AMPH: variants seen among roughly 807,000 people sequenced by gnomAD.
The protein encoded by AMPH is amphiphysin, also known as amphiphysin (Stiff-Mann syndrome with breast cancer 128kD autoantigen).
In AMPH, 49 loss-of-function variants were observed where a neutral mutation model predicts 99.1. That is an observed-to-expected ratio of 0.49 (90% CI 0.39 to 0.63). The LOEUF is 0.63. AMPH is among the 20% of genes least tolerant of loss of function. The probability of loss-of-function intolerance (pLI) is 0.00; values close to 1 mark genes in which losing one functional copy is unlikely to be tolerated. For synonymous variants in AMPH, 314 were observed against 317.3 expected, an observed-to-expected ratio of 0.99 and a Z score of 0.11; for missense variants, 759 against 863.4, an observed-to-expected ratio of 0.88 and a Z score of 1.52.
intron 11 of AMPH, among the ~76,000 whole-genome samples, chr7:38,444,278 T>G (rs1786671744): frequency 6.6e-6 from 1 of 152,182 alleles, no homozygotes; most frequent in African/African-American, 2.4e-5. Context: ...ATATCTGTAC[T>G]GCTTTGAATA....
chr7:38,412,808 C>A (rs936137233), intron 17 of AMPH, among the ~76,000 whole-genome samples: 2 of 152,198 alleles, frequency 1.3e-5, no homozygotes, highest in African/African-American at 4.8e-5. Context: ...TCTCTGAATA[C>A]TCACATCTCC....
At chr7:38,591,555 A>G (rs546207625) in intron 1 of AMPH, among the ~76,000 whole-genome samples, 66 of 152,086 alleles carry the variant, frequency 4.3e-4, no homozygotes, top group Non-Finnish European at 5.9e-4. Context: ...CCAATGTGCT[A>G]AGATTACAGG....
At chr7:38,406,627 G>A (rs970330935) in intron 17 of AMPH, among the ~76,000 whole-genome samples, 10 of 151,396 alleles carry the variant, frequency 6.6e-5, no homozygotes, top group African/African-American at 2.4e-4. Context: ...AATGTGAATG[G>A]GCACCATCCA....
intron 17 of AMPH, among the ~76,000 whole-genome samples, chr7:38,415,782 AT>A (rs1785363589): frequency 6.6e-6 from 1 of 151,770 alleles, no homozygotes; most frequent in Admixed American, 6.6e-5. Context: ...ATGAACTTGA[AT>A]TTTTTCTCTG....
chr7:38,476,326 G>A (rs1457335637), intron 6 of AMPH, among the ~76,000 whole-genome samples: 1 of 152,160 alleles, frequency 6.6e-6, no homozygotes, highest in Middle Eastern at 3.2e-3. Context: ...AGACCATTCA[G>A]GCAGCTGTGT....
At chr7:38,587,323 T>G (rs930369504) in intron 1 of AMPH, among the ~76,000 whole-genome samples, 9 of 152,158 alleles carry the variant, frequency 5.9e-5, no homozygotes, top group Non-Finnish European at 8.8e-5. Context: ...CTGTGACTAT[T>G]TAGTGCCAGC....
chr7:38,433,875 G>A lies in AMPH; in HGVS notation c.1135-1663C>T, dbSNP rs146843093. ...AGTCCTCAGGATCATGAAAGGATGCGTTAGCGTGCACAGATACTGCAGAGA... is the reference window on the plus strand; with the variant it reads ...AGTCCTCAGGATCATGAAAGGATGCATTAGCGTGCACAGATACTGCAGAGA... On this transcript the variant is annotated intron_variant, in intron 12 of 20. Transcript: ENST00000356264. Among the ~76,000 whole-genome samples the A allele has an allele frequency of 4.9e-3, 750 of 152,186 alleles. 8 individuals carry two copies. The highest frequency in any genetic ancestry group is 0.017 in the African/African-American group (718 of 41,492).
chr7:38,562,341 C>G (rs1171166639), intron 1 of AMPH, among the ~76,000 whole-genome samples: 1 of 152,194 alleles, frequency 6.6e-6, no homozygotes, highest in Admixed American at 6.5e-5. Flanking sequence ...GCCATGCTAA[C>G]TGCTTTAGAG....
chr7:38,494,323 C>A, intron 4 of AMPH, 110 bp downstream of exon 4: 1 of 910,032 alleles, frequency 1.1e-6, no homozygotes, highest in South Asian at 1.4e-5. Context: ...GCCTTCTGAG[C>A]ACACTGTCTT....
intron 14 of AMPH, chr7:38,429,388 A>T: frequency 7.7e-7 from 1 of 1,291,156 alleles, no homozygotes; most frequent in Non-Finnish European, 1.0e-6. Context: ...TCTGTTTCGG[A>T]GGGACATGCA....
At chr7:38,462,723 C>T (rs552795320) in intron 10 of AMPH, among the ~76,000 whole-genome samples, 1 of 152,262 alleles carries the variant, frequency 6.6e-6, no homozygotes, top group South Asian at 2.1e-4. Flanking sequence ...AGAGAGCATG[C>T]TCGCCTGAGC....
intron 3 of AMPH, among the ~76,000 whole-genome samples, chr7:38,503,240 C>T (rs374516466): frequency 6.6e-6 from 1 of 152,344 alleles, no homozygotes; most frequent in East Asian, 1.9e-4. Flanking sequence ...CTTCCACCTA[C>T]CTTTGCCACC....
At chr7:38,561,119 G>A (rs1262448255) in intron 1 of AMPH, among the ~76,000 whole-genome samples, 1 of 152,158 alleles carries the variant, frequency 6.6e-6, no homozygotes, top group Non-Finnish European at 1.5e-5. Flanking sequence ...CCCACAGCAG[G>A]CATGTGGTTA....
In AMPH at chr7:38,445,051, G is replaced by GGTATATACATATATATACACATATATAC. The variant is rs1562760061; in HGVS notation, c.1018-8664_1018-8663insGTATATATGTGTATATATATGTATATAC. ...GTATATACATATATATACATATATA[G>GGTATATACATATATATACACATATATAC]ATGGTATATACATATATATATACAC... On this transcript the variant is annotated intron_variant, in intron 11 of 20. Coordinates refer to ENST00000356264, the MANE Select transcript of AMPH (RefSeq NM_001635.4). Among the ~76,000 whole-genome samples, 12 of 142,772 alleles carry GGTATATACATATATATACACATATATAC rather than the reference G, an allele frequency of 8.4e-5. No homozygotes were observed. In the East Asian group the frequency reaches 2.2e-3, roughly 26 times the overall value. 93.7% of individuals were successfully genotyped at this position (142,772 alleles called of 152,430 possible).
intron 11 of AMPH, among the ~76,000 whole-genome samples, chr7:38,446,864 T>A (rs551120400): frequency 9.7e-4 from 147 of 152,318 alleles, no homozygotes; most frequent in Middle Eastern, 3.4e-3. Context: ...CCATAGCACA[T>A]TCTCTTAACA....
At chr7:38,546,168 C>T (rs1485199698) in intron 1 of AMPH, among the ~76,000 whole-genome samples, 1 of 152,192 alleles carries the variant, frequency 6.6e-6, no homozygotes, top group Non-Finnish European at 1.5e-5. Context: ...CAGAGAGATG[C>T]TGCCCCTTCT....
chr7:38,411,902 T>G (rs1316937566), intron 17 of AMPH, among the ~76,000 whole-genome samples: 1 of 152,226 alleles, frequency 6.6e-6, no homozygotes, highest in Non-Finnish European at 1.5e-5. Flanking sequence ...CTGAAGCTAA[T>G]GATAACTAGT....
intron 1 of AMPH, among the ~76,000 whole-genome samples, chr7:38,589,760 C>T (rs779607870): frequency 1.7e-4 from 26 of 152,232 alleles, no homozygotes; most frequent in Non-Finnish European, 2.8e-4. Context: ...TTTAGTTTGG[C>T]GTAAACACAC....
At chr7:38,584,803 G>A (rs903037704) in intron 1 of AMPH, among the ~76,000 whole-genome samples, 1 of 152,208 alleles carries the variant, frequency 6.6e-6, no homozygotes, top group African/African-American at 2.4e-5. Flanking sequence ...CTGAGCAGAT[G>A]GAGCTGAAAT....
Sources: allele counts gnomAD v4.1 joint callset (sites outside exome capture counted in the v4.1 genomes callset), GRCh38; gene constraint gnomAD v4.1.1; transcripts MANE v1.5; gene names NCBI Gene and HGNC (gene_info 2026-07-23, HGNC 2026-07-21).